UNC5D: variants seen among roughly 807,000 people sequenced by gnomAD.
The protein encoded by UNC5D is netrin receptor UNC5D.
In UNC5D, 39 loss-of-function variants were observed where a neutral mutation model predicts 105.4. That is an observed-to-expected ratio of 0.37 (90% confidence interval 0.29 to 0.48). UNC5D has a LOEUF of 0.48. UNC5D is among the 20% of genes least tolerant of loss of function. UNC5D has a pLI of 0.98. For synonymous variants in UNC5D, 452 were observed against 450.4 expected (o/e 1.00, Z -0.04); for missense variants, 991 against 1,202.4 (o/e 0.82, Z 2.60).
intron 1 of UNC5D, among the ~76,000 whole-genome samples, chr8:35,360,664 A>G (rs1801806658): frequency 6.6e-6 from 1 of 152,174 alleles, no homozygotes; most frequent in African/African-American, 2.4e-5. Context: ...AAGTATGTGC[A>G]TCTTTGAATT....
At chr8:35,484,487 T>G (rs559847370) in intron 1 of UNC5D, among the ~76,000 whole-genome samples, 1 of 152,306 alleles carries the variant, frequency 6.6e-6, no homozygotes, top group African/African-American at 2.4e-5. Flanking sequence ...ATGGCACCAC[T>G]GAAGGCCATT....
intron 1 of UNC5D, among the ~76,000 whole-genome samples, chr8:35,470,784 AAATAAATAAAT>A (rs1809656510): frequency 2.9e-5 from 1 of 34,274 alleles, no homozygotes; most frequent in African/African-American, 8.3e-5. Flanking sequence ...ATAAATAAAT[AAATAAATAAAT>A]AAATAAATAA....
At chr8:35,558,745 G>A (rs190886629) in intron 2 of UNC5D, among the ~76,000 whole-genome samples, 3 of 152,242 alleles carry the variant, frequency 2.0e-5, no homozygotes, top group East Asian at 1.9e-4. Flanking sequence ...CACTTTGGGA[G>A]GCCGAGGTGG....
chr8:35,782,497 CA>C (rs202182849), intron 16 of UNC5D, among the ~76,000 whole-genome samples: 64 of 148,498 alleles, frequency 4.3e-4, no homozygotes, highest in African/African-American at 1.6e-3. Flanking sequence ...ACAAACTACT[CA>C]AAAATTTTTT....
intron 4 of UNC5D, among the ~76,000 whole-genome samples, chr8:35,602,476 A>C (rs550867458): frequency 7.1e-4 from 108 of 152,158 alleles, no homozygotes; most frequent in African/African-American, 2.3e-3. Flanking sequence ...TCAATTTCAG[A>C]GCCTGTTATT....
At chr8:35,725,683 T>A (rs544615784) in intron 9 of UNC5D, among the ~76,000 whole-genome samples, 1 of 152,300 alleles carries the variant, frequency 6.6e-6, no homozygotes, top group Admixed American at 6.5e-5. Flanking sequence ...ATGTAGCTTC[T>A]GTTATAAACA....
chr8:35,270,300 G>A (rs1272117794), intron 1 of UNC5D, among the ~76,000 whole-genome samples: 2 of 152,154 alleles, frequency 1.3e-5, no homozygotes, highest in African/African-American at 4.8e-5. Flanking sequence ...ATAGAAGATT[G>A]CATGTGGTTA....
At chr8:35,495,919 C>T (rs986763093) in intron 1 of UNC5D, among the ~76,000 whole-genome samples, 2 of 152,108 alleles carry the variant, frequency 1.3e-5, no homozygotes, top group Admixed American at 6.6e-5. Flanking sequence ...AGATACAATG[C>T]TGAAAAAAGG....
chr8:35,602,401 A>G (rs1819950057), intron 4 of UNC5D, among the ~76,000 whole-genome samples: 1 of 152,210 alleles, frequency 6.6e-6, no homozygotes, highest in Non-Finnish European at 1.5e-5. Flanking sequence ...TACCTCTGGT[A>G]GAATTCGGCC....
chr8:35,636,529 A>G (rs969973857), intron 4 of UNC5D, among the ~76,000 whole-genome samples: 2 of 152,102 alleles, frequency 1.3e-5, no homozygotes, highest in Admixed American at 6.6e-5. Flanking sequence ...TAGCATGGAG[A>G]TACCATTGCT....
intron 11 of UNC5D, among the ~76,000 whole-genome samples, chr8:35,739,752 A>G (rs1047702535): frequency 2.6e-5 from 4 of 152,196 alleles, no homozygotes; most frequent in African/African-American, 9.7e-5. Flanking sequence ...CTGGAAGTAG[A>G]AATAACCTGT....
At chr8:35,386,610 C>T (rs1803414881) in intron 1 of UNC5D, among the ~76,000 whole-genome samples, 1 of 152,224 alleles carries the variant, frequency 6.6e-6, no homozygotes, top group African/African-American at 2.4e-5. Context: ...TGCACGGAAT[C>T]TCTGACCTAT....
At chr8:35,620,620 C>T (rs763556370) in intron 4 of UNC5D, among the ~76,000 whole-genome samples, 4 of 151,394 alleles carry the variant, frequency 2.6e-5, no homozygotes, top group Non-Finnish European at 4.4e-5. Context: ...TTATGGTTTA[C>T]CTTATCTCCT....
intron 1 of UNC5D, among the ~76,000 whole-genome samples, chr8:35,270,000 G>T (rs915247390): frequency 6.6e-6 from 1 of 152,190 alleles, no homozygotes; most frequent in African/African-American, 2.4e-5. Context: ...TTACTGTTTG[G>T]AGTAGGATGG....
At chr8:35,710,602 G>T (rs900521996) in intron 8 of UNC5D, among the ~76,000 whole-genome samples, 1 of 152,180 alleles carries the variant, frequency 6.6e-6, no homozygotes, top group East Asian at 1.9e-4. Context: ...GGTTGGATGA[G>T]ATCACTAGAT....
At chr8:35,327,572 C>T (rs2128891414) in intron 1 of UNC5D, among the ~76,000 whole-genome samples, 1 of 152,318 alleles carries the variant, frequency 6.6e-6, no homozygotes, top group Non-Finnish European at 1.5e-5. Context: ...CATATTTGAC[C>T]TCTCTCTTCT....
intron 1 of UNC5D, among the ~76,000 whole-genome samples, chr8:35,460,625 C>T (rs1808819634): frequency 1.3e-5 from 2 of 152,156 alleles, no homozygotes; most frequent in Admixed American, 6.5e-5. Context: ...ATTTATCACT[C>T]CTACATCTTT....
intron 1 of UNC5D, chr8:35,525,876 A>G: frequency 9.0e-7 from 1 of 1,107,526 alleles, no homozygotes; most frequent in Non-Finnish European, 1.3e-6. Flanking sequence ...TTTAGCTATT[A>G]AAAAAGAAAA....
In UNC5D at chr8:35,540,557, TA is replaced by T. The variant is rs1220726985; in HGVS notation, c.104-8733del. ...AAAACTTAATACAAACTTAAATTAC[TA>T]ACATTGTGTGACCCAGAGAAAAATA... On this transcript the variant is annotated intron_variant, in intron 1 of 16. Coordinates refer to ENST00000404895, the MANE Select transcript of UNC5D (RefSeq NM_080872.4). 3.3e-5 allele frequency among the ~76,000 whole-genome samples: 5 copies of T among 151,950 alleles called. 1 individual carries two copies. In the South Asian group the frequency reaches 6.2e-4, roughly 19 times the overall value.
Sources: allele counts gnomAD v4.1 joint callset (sites outside exome capture counted in the v4.1 genomes callset), GRCh38; gene constraint gnomAD v4.1.1; transcripts MANE v1.5; gene names NCBI Gene and HGNC (gene_info 2026-07-23, HGNC 2026-07-21).